The following GRID2 variants were observed in gnomAD, a reference collection of about 807,000 sequenced individuals.
The protein encoded by GRID2 is glutamate ionotropic receptor delta type subunit 2, also known as glutamate receptor ionotropic, delta-2.
A neutral mutation model predicts 114.8 loss-of-function variants in GRID2; 33 were observed. The ratio of observed to expected loss-of-function variants is 0.29; its 90% CI spans 0.22 to 0.38. GRID2 has a LOEUF of 0.38. Among genes scored for constraint, GRID2 ranks in the 10% least tolerant of loss-of-function variants. The pLI, the probability that GRID2 is intolerant of heterozygous loss-of-function variation, is 1.00. For synonymous variants in GRID2, 505 were observed against 449.9 expected (o/e 1.12, Z -1.55); for missense variants, 1,184 against 1,257.7 (o/e 0.94, Z 0.89).
chr4:93,332,510 A>T (rs1398369571), intron 8 of GRID2, among the ~76,000 whole-genome samples: 1 of 152,048 alleles, frequency 6.6e-6, no homozygotes, highest in Non-Finnish European at 1.5e-5. Flanking sequence ...TATATACCAC[A>T]TGTTTTGCTA....
chr4:93,042,178 C>T (rs1725581380), intron 2 of GRID2, among the ~76,000 whole-genome samples: 1 of 151,706 alleles, frequency 6.6e-6, no homozygotes, highest in Non-Finnish European at 1.5e-5. Context: ...GCTGGGATTA[C>T]AGGCATGAGC....
At chr4:92,353,386 G>C (rs974066117) in intron 1 of GRID2, among the ~76,000 whole-genome samples, 1 of 151,430 alleles carries the variant, frequency 6.6e-6, no homozygotes, top group Non-Finnish European at 1.5e-5. Context: ...GCACTTTCCT[G>C]TTTTTATACA....
intron 8 of GRID2, among the ~76,000 whole-genome samples, chr4:93,321,783 G>T (rs984651002): frequency 5.3e-5 from 8 of 151,664 alleles, no homozygotes; most frequent in Non-Finnish European, 1.2e-4. Flanking sequence ...TTAGATATCA[G>T]AAATTTCACA....
At position 93,149,138 on chromosome 4, in the gene GRID2, A is replaced by G. The variant is rs186354930; in HGVS notation, c.735+38185A>G. On this transcript the variant is annotated intron_variant, in intron 4 of 15. Transcript: ENST00000282020. The stretch of plus-strand genomic sequence containing the variant: ...GATCCCGTGTGACGCTGCTAAGCAT[A>G]CATTGAAATACAAACACTGCTTATA... 7.9e-5 allele frequency among the ~76,000 whole-genome samples: 12 copies of G among 152,254 alleles called. No homozygotes were observed. In the East Asian group the frequency reaches 9.6e-4, roughly 12 times the overall value.
intron 2 of GRID2, among the ~76,000 whole-genome samples, chr4:92,751,033 T>G (rs2149338716): frequency 6.6e-6 from 1 of 152,296 alleles, no homozygotes; most frequent in South Asian, 2.1e-4. Context: ...ATTTGTTAAT[T>G]CTTGGCAAAC....
intron 8 of GRID2, among the ~76,000 whole-genome samples, chr4:93,317,350 T>C (rs994829240): frequency 6.6e-6 from 1 of 151,918 alleles, no homozygotes; most frequent in Non-Finnish European, 1.5e-5. Context: ...GAAATGCTTT[T>C]AGTCATTTTG....
At chr4:93,485,185 A>G (rs942946733) in intron 11 of GRID2, among the ~76,000 whole-genome samples, 3 of 151,494 alleles carry the variant, frequency 2.0e-5, no homozygotes, top group Non-Finnish European at 3.0e-5. Flanking sequence ...ACCTTTTCAT[A>G]TATTTATTGG....
At chr4:93,656,845 A>T (rs983140151) in intron 14 of GRID2, among the ~76,000 whole-genome samples, 17 of 148,152 alleles carry the variant, frequency 1.1e-4, no homozygotes, top group Non-Finnish European at 1.9e-4. Context: ...AAAAAAAAAA[A>T]AAAAAAAAAA....
chr4:92,317,234 TTTTATGACATTTGACA>T (rs1004330826), intron 1 of GRID2, among the ~76,000 whole-genome samples: 24 of 152,154 alleles, frequency 1.6e-4, no homozygotes, highest in Admixed American at 1.4e-3. Flanking sequence ...AAAATGACAG[TTTTATGACATTTGACA>T]TTTATGACAT....
Position 92,380,921 on chromosome 4 carries a change from C to T in GRID2, c.88+76177C>T, listed in dbSNP as rs181682291. Among the ~76,000 whole-genome samples the T allele has an allele frequency of 3.1e-3, 465 of 152,008 alleles. 4 individuals are homozygous for T. The highest frequency in any genetic ancestry group is 0.011 in the African/African-American group (440 of 41,504). On this transcript the variant is annotated intron_variant, in intron 1 of 15. Coordinates refer to ENST00000282020, the MANE Select transcript of GRID2 (RefSeq NM_001510.4). ...CAAAATGGTACCTATAATACTATAT[C>T]TCCTCTGTGAGCCCTCAATAATTAC... is the stretch of plus-strand genomic sequence containing the variant.
chr4:93,792,355 C>G (rs1306369657), intron 1 of GRID2, among the ~76,000 whole-genome samples: 1 of 152,114 alleles, frequency 6.6e-6, no homozygotes, highest in Non-Finnish European at 1.5e-5. Flanking sequence ...AATTCTCCCC[C>G]ACACCTAGCC....
chr4:92,919,723 G>T (rs1749142495), intron 2 of GRID2, among the ~76,000 whole-genome samples: 1 of 152,156 alleles, frequency 6.6e-6, no homozygotes, highest in Non-Finnish European at 1.5e-5. Flanking sequence ...GAGACAGTTT[G>T]TTATAATTTC....
chr4:93,729,875 A>G (rs1226921655), intron 14 of GRID2, among the ~76,000 whole-genome samples: 5 of 152,188 alleles, frequency 3.3e-5, no homozygotes, highest in Non-Finnish European at 5.9e-5. Context: ...GTATAATTAA[A>G]TGGTTCAGCT....
chr4:93,744,961 A>G (rs1172580659), intron 14 of GRID2, among the ~76,000 whole-genome samples: 1 of 152,218 alleles, frequency 6.6e-6, no homozygotes, highest in Non-Finnish European at 1.5e-5. Context: ...CAGAAAGCTC[A>G]GATTATTATT....
chr4:93,501,354 G>A (rs1204801376), intron 12 of GRID2, among the ~76,000 whole-genome samples: 1 of 151,952 alleles, frequency 6.6e-6, no homozygotes, highest in African/African-American at 2.4e-5. Context: ...TTTATTAGGA[G>A]GAGCCAAAAT....
At chr4:92,975,177 A>AAAAAAAAAAAAAAAAG (rs1310072078) in intron 2 of GRID2, among the ~76,000 whole-genome samples, 1 of 149,190 alleles carries the variant, frequency 6.7e-6, no homozygotes, top group Non-Finnish European at 1.5e-5. Flanking sequence ...AAAAAAAAAA[A>AAAAAAAAAAAAAAAAG]GGTGTTGATT....
At chr4:93,799,424 C>G (rs1026956275) in intron 1 of GRID2, among the ~76,000 whole-genome samples, 27 of 150,920 alleles carry the variant, frequency 1.8e-4, no homozygotes, top group African/African-American at 5.6e-4. Flanking sequence ...GGGGAAACTA[C>G]AGAACTGCAG....
intron 2 of GRID2, among the ~76,000 whole-genome samples, chr4:92,749,057 G>A (rs180970195): frequency 6.4e-4 from 97 of 151,728 alleles, no homozygotes; most frequent in Non-Finnish European, 1.1e-3. Context: ...GCAGTGGCGC[G>A]ATCTTGGCTC....
chr4:92,326,212 A>G (rs1726590241), intron 1 of GRID2, among the ~76,000 whole-genome samples: 1 of 151,938 alleles, frequency 6.6e-6, no homozygotes, highest in South Asian at 2.1e-4. Flanking sequence ...TCCTAGATTT[A>G]TAACTGATTA....
Sources: gnomAD v4.1 joint callset for allele counts (sites outside exome capture counted in the v4.1 genomes callset) on GRCh38, gnomAD v4.1.1 for gene constraint, MANE v1.5 for transcripts, NCBI Gene and HGNC (gene_info 2026-07-23, HGNC 2026-07-21) for gene names.